PCDHA10: variants seen among roughly 807,000 people sequenced by gnomAD.
The protein encoded by PCDHA10 is protocadherin alpha-10.
A neutral mutation model predicts 61.2 loss-of-function variants in PCDHA10; 45 were observed. That is an observed-to-expected ratio of 0.74 (90% confidence interval 0.58 to 0.94). PCDHA10 has a LOEUF of 0.94. Ranked by LOEUF, PCDHA10 falls within the 40% of genes least tolerant of loss-of-function variation. The pLI is 0.00. For synonymous variants in PCDHA10, 602 were observed against 548.8 expected, an observed-to-expected ratio of 1.10 and a Z score of -1.35; for missense variants, 1,278 against 1,236.2, an observed-to-expected ratio of 1.03 and a Z score of -0.51.
chr5:140,883,315 G>A (rs782377860), intron 1 of PCDHA10: 1 of 1,614,104 alleles, frequency 6.2e-7, no homozygotes, highest in Admixed American at 1.7e-5. Flanking sequence ...ACGCCCCAGA[G>A]GTTACCATCA....
intron 1 of PCDHA10, among the ~76,000 whole-genome samples, chr5:140,912,103 G>A (rs1431283462): frequency 6.6e-6 from 1 of 152,212 alleles, no homozygotes; most frequent in Non-Finnish European, 1.5e-5. Context: ...GGAGAAAGAT[G>A]TAGGCTGGGA....
chr5:140,959,085 G>A (rs1286885776), intron 1 of PCDHA10, among the ~76,000 whole-genome samples: 8 of 151,980 alleles, frequency 5.3e-5, no homozygotes, highest in African/African-American at 1.9e-4. Flanking sequence ...ATTATCCTTG[G>A]TTTCGGACAT....
chr5:140,930,494 A>T (rs1238249815), intron 1 of PCDHA10: 3 of 152,500 alleles, frequency 2.0e-5, no homozygotes, highest in Admixed American at 6.6e-5. Flanking sequence ...AAGTGCTGGG[A>T]TTACAGGCAT....
chr5:140,998,908 G>A (rs1203319313), intron 3 of PCDHA10, among the ~76,000 whole-genome samples: 2 of 152,162 alleles, frequency 1.3e-5, no homozygotes, highest in East Asian at 1.9e-4. Context: ...CCTCCGGGAG[G>A]TAGCTATTAT....
intron 1 of PCDHA10, among the ~76,000 whole-genome samples, chr5:140,880,156 A>C (rs1301821759): frequency 6.6e-6 from 1 of 152,250 alleles, no homozygotes; most frequent in Non-Finnish European, 1.5e-5. Context: ...TATATCAAGT[A>C]TATGTTAGAA....
intron 1 of PCDHA10, among the ~76,000 whole-genome samples, chr5:140,945,121 C>T (rs1412218992): frequency 6.6e-6 from 1 of 152,042 alleles, no homozygotes; most frequent in East Asian, 1.9e-4. Context: ...GATAAAAAAT[C>T]AACTTACAAA....
At chr5:140,891,246 A>AT (rs1213637493) in intron 1 of PCDHA10, among the ~76,000 whole-genome samples, 11 of 151,766 alleles carry the variant, frequency 7.2e-5, no homozygotes, top group South Asian at 2.1e-4. Context: ...ATTCAGTAGG[A>AT]TTTTTTTTAA....
chr5:140,923,242 C>T (rs1302368115), intron 1 of PCDHA10, among the ~76,000 whole-genome samples: 1 of 151,762 alleles, frequency 6.6e-6, no homozygotes, highest in Non-Finnish European at 1.5e-5. Flanking sequence ...AAGTTTGAGA[C>T]CAGCTGGGCA....
intron 1 of PCDHA10, chr5:140,928,682 C>T (rs782513735): frequency 6.2e-7 from 1 of 1,614,174 alleles, no homozygotes; most frequent in Non-Finnish European, 8.5e-7. Flanking sequence ...GCCTGGCTTT[C>T]CTACCACATC....
chr5:141,006,937 A>G (rs1341234151), intron 3 of PCDHA10, among the ~76,000 whole-genome samples: 1 of 152,206 alleles, frequency 6.6e-6, no homozygotes, highest in Non-Finnish European at 1.5e-5. Context: ...AACTGGGGAT[A>G]CCAGATAGGC....
chr5:140,858,353 G>A lies in PCDHA10; in HGVS notation c.2305G>A (p.Ala769Thr), dbSNP rs782457995. The part of the protein sequence containing the change: ...GEGLPKADLM[A>T]FSPSLPPCPM... ...GGGCCTGCCCAAGGCGGACCTCATGGCCTTCAGCCCCAGCCTTCCACCATG... is the reference window on the plus strand; with the variant it reads ...GGGCCTGCCCAAGGCGGACCTCATGACCTTCAGCCCCAGCCTTCCACCATG... The change falls in exon 1 of 4, where the codon GCC becomes ACC. Residue 769 changes from alanine to threonine, a missense_variant. Ala to Thr is a moderately conservative substitution (Grantham distance 58). Transcript: ENST00000307360. 6.3e-7 allele frequency: 1 copy of A among 1,593,918 alleles called. No individual in the cohort carries two copies. Among genetic ancestry groups the A allele is most frequent in the Non-Finnish European group, 8.6e-7 (1 of 1,165,118 alleles).
intron 1 of PCDHA10, chr5:140,875,357 C>G (rs1173514822): frequency 6.9e-7 from 1 of 1,446,594 alleles, no homozygotes; most frequent in Non-Finnish European, 9.1e-7. Flanking sequence ...GACTGTGATG[C>G]TGGAAAAAAT....
intron 1 of PCDHA10, among the ~76,000 whole-genome samples, chr5:140,976,481 G>A (rs549195125): frequency 6.6e-6 from 1 of 152,160 alleles, no homozygotes; most frequent in South Asian, 2.1e-4. Flanking sequence ...AATCCGGGAG[G>A]CAGAGGTTGC....
intron 3 of PCDHA10, among the ~76,000 whole-genome samples, chr5:140,994,021 G>A (rs1160447092): frequency 6.6e-6 from 1 of 152,140 alleles, no homozygotes; most frequent in Non-Finnish European, 1.5e-5. Context: ...AGGTGATGCA[G>A]ATATAATATT....
chr5:140,870,806 A>C (rs546684407), intron 1 of PCDHA10: 10 of 1,613,686 alleles, frequency 6.2e-6, no homozygotes, highest in Admixed American at 5.0e-5. Flanking sequence ...CTGGCGACTC[A>C]GGCTGGCAGC....
intron 1 of PCDHA10, among the ~76,000 whole-genome samples, chr5:140,899,914 C>A (rs1408569942): frequency 2.0e-5 from 3 of 151,952 alleles, no homozygotes; most frequent in Admixed American, 6.6e-5. Flanking sequence ...CTCAAGCAAT[C>A]CTCCTGCCTC....
chr5:140,888,572 A>G (rs1354616132), intron 1 of PCDHA10, among the ~76,000 whole-genome samples: 1 of 152,196 alleles, frequency 6.6e-6, no homozygotes, highest in Admixed American at 6.5e-5. Context: ...GCTTCATTTT[A>G]AGATTTGTTA....
intron 1 of PCDHA10, among the ~76,000 whole-genome samples, chr5:140,918,920 G>A (rs1470075085): frequency 6.6e-6 from 1 of 152,204 alleles, no homozygotes; most frequent in Non-Finnish European, 1.5e-5. Context: ...TAACTACACA[G>A]CATATGGCAT....
intron 1 of PCDHA10, chr5:140,927,857 G>A: frequency 6.2e-7 from 1 of 1,614,172 alleles, no homozygotes; most frequent in African/African-American, 1.3e-5. Context: ...GGTTTAGCTA[G>A]CACCGCTAAA....
Sources: allele counts gnomAD v4.1 joint callset (sites outside exome capture counted in the v4.1 genomes callset), GRCh38; gene constraint gnomAD v4.1.1; transcripts MANE v1.5; gene names NCBI Gene and HGNC (gene_info 2026-07-23, HGNC 2026-07-21).